The following PTPRG variants were observed in gnomAD, a reference collection of about 807,000 sequenced individuals.
PTPRG encodes protein tyrosine phosphatase receptor type G, also known as receptor-type tyrosine-protein phosphatase gamma.
Under a neutral mutation model 165.3 loss-of-function variants are expected in PTPRG, and 102 were observed. The observed-to-expected ratio is 0.62, with a 90% CI of 0.53 to 0.73. The LOEUF is 0.73. PTPRG is among the 30% of genes least tolerant of loss of function. PTPRG has a pLI of 0.00. For synonymous variants in PTPRG, 675 were observed against 669.5 expected, an observed-to-expected ratio of 1.01 and a Z score of -0.13; for missense variants, 1,866 against 1,861.4, an observed-to-expected ratio of 1.00 and a Z score of -0.05.
At chr3:61,977,349 G>A (rs1193126548) in intron 2 of PTPRG, among the ~76,000 whole-genome samples, 1 of 152,166 alleles carries the variant, frequency 6.6e-6, no homozygotes, top group Non-Finnish European at 1.5e-5. Context: ...CAGGTCTCAT[G>A]AGTTCTCTAA....
chr3:61,681,066 A>AT (rs1300052500), intron 1 of PTPRG, among the ~76,000 whole-genome samples: 1 of 150,676 alleles, frequency 6.6e-6, no homozygotes, highest in Non-Finnish European at 1.5e-5. Context: ...AAAAAAAAAA[A>AT]AAAAAAAAAA....
intron 3 of PTPRG, among the ~76,000 whole-genome samples, chr3:61,991,911 A>T (rs368842394): frequency 6.6e-6 from 1 of 152,168 alleles, no homozygotes; most frequent in African/African-American, 2.4e-5. Context: ...CTGATTCATG[A>T]CCTTGGTCTT....
rs754949547 is a variant in PTPRG at position 62,077,290 on chromosome 3, A to C, written c.520-873A>C. On this transcript the variant is annotated intron_variant, in intron 4 of 29. Coordinates refer to ENST00000474889, the MANE Select transcript of PTPRG (RefSeq NM_002841.4). ...TGTTTGTTTGTTTAAAAAAAAAAAAAACAAACCATAATGCTAGCCAAATGT... is the reference window on the plus strand; with the variant it reads ...TGTTTGTTTGTTTAAAAAAAAAAAACACAAACCATAATGCTAGCCAAATGT... 1.9e-3 allele frequency among the ~76,000 whole-genome samples: 286 copies of C among 151,714 alleles called. 1 individual carries two copies. The highest frequency in any genetic ancestry group is 2.3e-3 in the Non-Finnish European group (156 of 67,998).
intron 16 of PTPRG, 101 bp from the exon 17 acceptor site, chr3:62,262,697 G>A (rs916984961): frequency 6.3e-6 from 4 of 630,746 alleles, no homozygotes; most frequent in Non-Finnish European, 1.0e-5. Context: ...AGGTAACGGT[G>A]GCTGTGGCCA....
chr3:62,138,335 A>G (rs984559452), intron 6 of PTPRG, among the ~76,000 whole-genome samples: 1 of 152,234 alleles, frequency 6.6e-6, no homozygotes, highest in Non-Finnish European at 1.5e-5. Context: ...TTCCCACATC[A>G]TTGTTGCAAA....
intron 8 of PTPRG, among the ~76,000 whole-genome samples, chr3:62,186,857 A>T (rs1699665050): frequency 6.6e-6 from 1 of 151,990 alleles, no homozygotes; most frequent in Non-Finnish European, 1.5e-5. Flanking sequence ...GTGAGCCACC[A>T]CGCCTGTCCT....
intron 2 of PTPRG, among the ~76,000 whole-genome samples, chr3:61,902,746 G>A (rs1222964890): frequency 3.3e-5 from 5 of 152,110 alleles, no homozygotes; most frequent in Admixed American, 3.3e-4. Context: ...GTAGTATTTG[G>A]TAAATACTTC....
intron 14 of PTPRG, among the ~76,000 whole-genome samples, chr3:62,241,149 A>G (rs576547641): frequency 5.3e-5 from 8 of 152,286 alleles, no homozygotes; most frequent in Middle Eastern, 3.4e-3. Flanking sequence ...TTTTTCTGCA[A>G]AGATGATCTG....
intron 1 of PTPRG, among the ~76,000 whole-genome samples, chr3:61,703,921 C>G (rs1420124759): frequency 6.6e-6 from 1 of 152,142 alleles, no homozygotes; most frequent in Admixed American, 6.5e-5. Flanking sequence ...CATGGTCTAC[C>G]TGCAACAAAA....
chr3:62,266,519 G>A (rs1417354927), intron 17 of PTPRG, among the ~76,000 whole-genome samples: 1 of 151,880 alleles, frequency 6.6e-6, no homozygotes, highest in South Asian at 2.1e-4. Context: ...TTTATATCAA[G>A]CAACACCTGT....
chr3:61,755,960 G>A (rs1036809529), intron 2 of PTPRG, among the ~76,000 whole-genome samples: 15 of 152,246 alleles, frequency 9.9e-5, no homozygotes, highest in Middle Eastern at 3.4e-3. Context: ...AGGGCAGGAT[G>A]AAAAATGATG....
At chr3:61,857,632 A>G (rs2037149484) in intron 2 of PTPRG, among the ~76,000 whole-genome samples, 1 of 152,190 alleles carries the variant, frequency 6.6e-6, no homozygotes, top group East Asian at 1.9e-4. Flanking sequence ...GATCCTATAT[A>G]TCACAAGGCT....
At chr3:61,598,806 C>A (rs1290577742) in intron 1 of PTPRG, among the ~76,000 whole-genome samples, 1 of 152,042 alleles carries the variant, frequency 6.6e-6, no homozygotes, top group Non-Finnish European at 1.5e-5. Context: ...CGTGCCCTCC[C>A]CTAGCTTCTG....
intron 4 of PTPRG, among the ~76,000 whole-genome samples, chr3:62,066,492 A>G (rs576948640): frequency 1.1e-4 from 16 of 141,262 alleles, no homozygotes; most frequent in Non-Finnish European, 1.7e-4. Flanking sequence ...GCAATTTCTA[A>G]AAAGTTTCAT....
At chr3:62,053,635 G>T (rs759841846) in intron 4 of PTPRG, among the ~76,000 whole-genome samples, 1 of 152,154 alleles carries the variant, frequency 6.6e-6, no homozygotes, top group African/African-American at 2.4e-5. Context: ...TTTGTTTGCT[G>T]TAAGAAAGAT....
intron 1 of PTPRG, among the ~76,000 whole-genome samples, chr3:61,629,453 C>A (rs1405363385): frequency 6.6e-6 from 1 of 152,100 alleles, no homozygotes; most frequent in Non-Finnish European, 1.5e-5. Flanking sequence ...TGTACCCGGC[C>A]CCTGAGTTAG....
intron 5 of PTPRG, among the ~76,000 whole-genome samples, chr3:62,091,738 G>T (rs533624834): frequency 1.3e-5 from 2 of 152,252 alleles, no homozygotes; most frequent in East Asian, 3.9e-4. Flanking sequence ...ACTAGGGCAT[G>T]GGAATTATTA....
At chr3:61,898,243 C>A (rs1575764337) in intron 2 of PTPRG, among the ~76,000 whole-genome samples, 1 of 152,250 alleles carries the variant, frequency 6.6e-6, no homozygotes. Context: ...CTTAGTGAGA[C>A]AAGGTCTCAC....
intron 2 of PTPRG, among the ~76,000 whole-genome samples, chr3:61,755,165 G>A (rs779769947): frequency 4.6e-5 from 7 of 152,026 alleles, no homozygotes; most frequent in South Asian, 4.1e-4. Context: ...GTGCCACCAC[G>A]CCCGACTAAT....
Sources: allele counts gnomAD v4.1 joint callset (sites outside exome capture counted in the v4.1 genomes callset), GRCh38; gene constraint gnomAD v4.1.1; transcripts MANE v1.5; gene names NCBI Gene and HGNC (gene_info 2026-07-23, HGNC 2026-07-21).